SUMF1: variants seen among roughly 807,000 people sequenced by gnomAD.
SUMF1 encodes sulfatase modifying factor 1, also known as formylglycine-generating enzyme.
In SUMF1, 48 loss-of-function variants were observed where a neutral mutation model predicts 47.6. That is an observed-to-expected ratio of 1.01 (90% CI 0.80 to 1.28). The LOEUF (loss-of-function observed/expected upper bound fraction) is 1.28, where lower values mean the gene tolerates loss of function less well. SUMF1 is among the 50% of genes most tolerant of loss of function. SUMF1 has a pLI of 0.00. For synonymous variants in SUMF1, 230 were observed against 192.1 expected, an observed-to-expected ratio of 1.20 and a Z score of -1.63; for missense variants, 571 against 485.4, an observed-to-expected ratio of 1.18 and a Z score of -1.66.
At chr3:4,168,115 C>G (rs1694752889) in intron 8 of SUMF1, among the ~76,000 whole-genome samples, 1 of 152,162 alleles carries the variant, frequency 6.6e-6, no homozygotes, top group African/African-American at 2.4e-5. Context: ...TACAGTGTGG[C>G]ACACTATATC....
At chr3:4,267,967 C>G (rs1188214544) in intron 8 of SUMF1, among the ~76,000 whole-genome samples, 1 of 145,426 alleles carries the variant, frequency 6.9e-6, no homozygotes, top group South Asian at 2.2e-4. Context: ...TTCACAATAG[C>G]AAAGACTTGG....
At chr3:4,340,109 A>G (rs1205387743) in intron 8 of SUMF1, among the ~76,000 whole-genome samples, 2 of 151,596 alleles carry the variant, frequency 1.3e-5, no homozygotes, top group Non-Finnish European at 2.9e-5. Context: ...CAATGTGCAC[A>G]CACACACACA....
intron 3 of SUMF1, among the ~76,000 whole-genome samples, chr3:4,420,872 A>C (rs921214396): frequency 6.6e-6 from 1 of 152,134 alleles, no homozygotes; most frequent in African/African-American, 2.4e-5. Context: ...CAGAAGAAAA[A>C]ATGGGGTGTA....
chr3:4,362,384 T>C (rs539992943), intron 8 of SUMF1, 130 bp from the exon 9 acceptor site: 23 of 756,226 alleles, frequency 3.0e-5, no homozygotes, highest in East Asian at 5.3e-5. Context: ...ATACTTAACA[T>C]GTATGCTTTA....
intron 8 of SUMF1, among the ~76,000 whole-genome samples, chr3:4,089,553 A>G (rs1175440884): frequency 1.3e-5 from 2 of 152,168 alleles, no homozygotes; most frequent in African/African-American, 4.8e-5. Flanking sequence ...CACAGAGCCT[A>G]TCATATACCT....
chr3:4,425,267 G>C (rs180685066), intron 3 of SUMF1, among the ~76,000 whole-genome samples: 2,283 of 152,174 alleles, frequency 0.015, 41 homozygotes, highest in East Asian at 0.096. Flanking sequence ...TCAGGCCTCA[G>C]CTTACTCATC....
chr3:4,409,356 A>C (rs374713876), intron 7 of SUMF1, among the ~76,000 whole-genome samples: 10 of 152,246 alleles, frequency 6.6e-5, no homozygotes, highest in African/African-American at 2.4e-4. Flanking sequence ...CAATTTCATT[A>C]GAGCAAGGGC....
intron 8 of SUMF1, among the ~76,000 whole-genome samples, chr3:4,240,123 T>A (rs1383443427): frequency 1.3e-5 from 2 of 152,214 alleles, no homozygotes; most frequent in African/African-American, 4.8e-5. Flanking sequence ...GAAGCTGACT[T>A]GATGGTGGAG....
intron 8 of SUMF1, among the ~76,000 whole-genome samples, chr3:4,282,008 T>C (rs1697539610): frequency 6.6e-6 from 1 of 152,328 alleles, no homozygotes; most frequent in Non-Finnish European, 1.5e-5. Flanking sequence ...CTGGCTTAAG[T>C]CTTTTGGTAA....
In SUMF1 at chr3:4,451,842, C is replaced by A. The variant is rs572882108; in HGVS notation, c.444+1034G>T. On this transcript the variant is annotated intron_variant, in intron 2 of 8. Coordinates refer to ENST00000272902, the MANE Select transcript of SUMF1 (RefSeq NM_182760.4). ...GGGACTACGGGTGCCCGCCACCATG[C>A]CCGGCTAATTTTTTGTACTTTTAGT... 7.3e-4 allele frequency among the ~76,000 whole-genome samples: 111 copies of A among 152,170 alleles called. 1 individual carries two copies. The highest frequency in any genetic ancestry group is 2.6e-3 in the African/African-American group (108 of 41,518).
chr3:4,266,422 G>A (rs1697196221), intron 8 of SUMF1, among the ~76,000 whole-genome samples: 1 of 152,066 alleles, frequency 6.6e-6, no homozygotes, highest in Admixed American at 6.5e-5. Context: ...GTGGTTTGTA[G>A]TTCTCCTTGA....
intron 9 of SUMF1, among the ~76,000 whole-genome samples, chr3:4,042,463 C>A (rs1280054936): frequency 6.6e-6 from 1 of 152,178 alleles, no homozygotes; most frequent in Admixed American, 6.5e-5. Flanking sequence ...CAACCTTGTA[C>A]AAAGACCATT....
intron 8 of SUMF1, among the ~76,000 whole-genome samples, chr3:4,281,274 C>G (rs946964372): frequency 5.3e-5 from 8 of 151,984 alleles, no homozygotes; most frequent in Non-Finnish European, 1.0e-4. Flanking sequence ...ATATTACAGA[C>G]AAGGAGACTC....
At chr3:4,063,512 G>A (rs770334919) in intron 9 of SUMF1, among the ~76,000 whole-genome samples, 70 of 152,028 alleles carry the variant, frequency 4.6e-4, no homozygotes, top group African/African-American at 1.5e-3. Context: ...CACAGCTCCC[G>A]TCATAAATAT....
chr3:4,200,665 C>A (rs1695521440), intron 8 of SUMF1, among the ~76,000 whole-genome samples: 1 of 152,132 alleles, frequency 6.6e-6, no homozygotes. Context: ...TGGGAGTTCT[C>A]AGCCTCAATA....
intron 8 of SUMF1, chr3:4,316,541 T>G (rs1358133674): frequency 1.9e-6 from 3 of 1,565,066 alleles, no homozygotes; most frequent in Non-Finnish European, 2.6e-6. Flanking sequence ...TGAAGCAAAT[T>G]GGAAAGGTGA....
At chr3:4,355,029 C>G (rs138427274) in intron 8 of SUMF1, among the ~76,000 whole-genome samples, 2 of 152,284 alleles carry the variant, frequency 1.3e-5, no homozygotes, top group Non-Finnish European at 2.9e-5. Context: ...TCCCAAGGCT[C>G]TCTACCCACG....
intron 8 of SUMF1, among the ~76,000 whole-genome samples, chr3:4,280,578 G>T (rs1297549053): frequency 2.0e-5 from 3 of 152,118 alleles, no homozygotes; most frequent in East Asian, 3.9e-4. Flanking sequence ...AATTTAAAAG[G>T]TTTGCGTATC....
At chr3:4,356,609 A>G (rs933616737), downstream of SUMF1, among the ~76,000 whole-genome samples, 2 of 151,924 alleles carry the variant, frequency 1.3e-5, no homozygotes, top group Non-Finnish European at 1.5e-5. Flanking sequence ...GAAACGTATC[A>G]ACTCTTCATA....
Sources: gnomAD v4.1 joint callset for allele counts (sites outside exome capture counted in the v4.1 genomes callset) on GRCh38, gnomAD v4.1.1 for gene constraint, MANE v1.5 for transcripts, NCBI Gene and HGNC (gene_info 2026-07-23, HGNC 2026-07-21) for gene names.